The following TTC31 variants were observed in gnomAD, a reference collection of about 807,000 sequenced individuals.
TTC31 encodes the protein tetratricopeptide repeat domain 31.
A neutral mutation model predicts 60.4 loss-of-function variants in TTC31; 59 were observed. That is an observed-to-expected ratio of 0.98 (90% confidence interval 0.79 to 1.21). The LOEUF is 1.21. TTC31 is among the 50% of genes most tolerant of loss of function. The pLI is 0.00. For synonymous variants in TTC31, 225 were observed against 249.6 expected (o/e 0.90, Z 0.93); for missense variants, 672 against 646.9 (o/e 1.04, Z -0.42).
chr2:74,488,836 G>A (rs995638367), intron 2 of TTC31, among the ~76,000 whole-genome samples: 2 of 152,142 alleles, frequency 1.3e-5, no homozygotes, highest in Non-Finnish European at 2.9e-5. Context: ...AGGCTGAGGC[G>A]GGTGGATCAC....
rs763361228 is a variant in TTC31, at chr2:74,483,425, C to T, written c.129+15C>T. 2.5e-6 allele frequency: 4 copies of T among 1,614,140 alleles called. No homozygotes were observed. In the South Asian group the frequency reaches 3.3e-5, roughly 13 times the overall value. On this transcript the variant is annotated intron_variant, in intron 2 of 12. Coordinates refer to ENST00000233623, the MANE Select transcript of TTC31 (RefSeq NM_022492.6). ...ACGGCGAAGAGGTAAAAGCGACCCT[C>T]AGTTTCCCCCAGTCCTGCTCATTTT... is the stretch of plus-strand genomic sequence containing the variant.
chr2:74,493,405 A>T lies in TTC31; in HGVS notation c.*187A>T, dbSNP rs1674169690. ...GAGAAAGGAGCCCCACATCCACTGA[A>T]ACATCCTTTGGTTCTCAAGCTTCTT... On this transcript the variant is annotated 3_prime_UTR_variant, in exon 13 of 13. Coordinates refer to ENST00000233623, the MANE Select transcript of TTC31 (RefSeq NM_022492.6). 14 of 614,782 alleles carry T rather than the reference A, an allele frequency of 2.3e-5. No individual in the cohort carries two copies. In the South Asian group the frequency reaches 3.5e-4, roughly 15 times the overall value. 38.1% of individuals were successfully genotyped at this position (614,782 alleles called of 1,614,324 possible).
Position 74,490,369 on chromosome 2 carries a change from T to C in TTC31, c.358T>C (p.Ser120Pro). 1 of 1,613,842 alleles carries C rather than the reference T, an allele frequency of 6.2e-7. No homozygotes were observed. ...GTCCTTCCTGTATCCTCCCCAAGAG[T>C]CTGAGCCCTGCCCTCAAAGCCCCTC... ...RKSFLYPPQESEPCPQSPSAS... is the reference protein window; with the variant it reads ...RKSFLYPPQEPEPCPQSPSAS... Residue 120 changes from serine (S) to proline (P), a missense_variant, in exon 4 of 13, where the codon TCT becomes CCT. Ser to Pro is a moderately conservative substitution (Grantham distance 74). Transcript: ENST00000233623.
intron 8 of TTC31, 145 bp downstream of exon 8, chr2:74,491,817 T>A: frequency 7.3e-7 from 1 of 1,371,554 alleles, no homozygotes; most frequent in Non-Finnish European, 1.0e-6. Flanking sequence ...TCAGGCCCCA[T>A]CACTGTCACC....
At chr2:74,492,541 G>A (rs1222301009) in intron 11 of TTC31, 96 bp downstream of exon 11, 3 of 1,541,228 alleles carry the variant, frequency 1.9e-6, no homozygotes, top group South Asian at 2.5e-5. Context: ...TAGTACCAAA[G>A]TGTCACAATG....
chr2:74,490,801 A>G (rs1673772104), intron 5 of TTC31, 62 bp downstream of exon 5: 1 of 1,521,000 alleles, frequency 6.6e-7, no homozygotes, highest in African/African-American at 1.4e-5. Context: ...GGGAAAGAGG[A>G]AACTTTGTGG....
chr2:74,485,003 T>C (rs1672918978), intron 2 of TTC31, among the ~76,000 whole-genome samples: 1 of 151,822 alleles, frequency 6.6e-6, no homozygotes, highest in African/African-American at 2.4e-5. Context: ...CCTCAAACAT[T>C]TAGTTAGTCA....
rs1215286567 is a variant in TTC31, at chr2:74,491,690, C to G, written c.876+18C>G. 6.2e-7 allele frequency: 1 copy of G among 1,612,454 alleles called. No individual in the cohort carries two copies. The highest frequency in any genetic ancestry group is 1.7e-5 in the Admixed American group (1 of 59,594). On this transcript the variant is annotated intron_variant, in intron 8 of 12. Transcript: ENST00000233623. ...AGGTACAGGTGAGGTGGCTGAAGAA[C>G]CTTATTCAGCTGGAACCGTGGAAGG...
rs1314125819 is a variant in TTC31, at chr2:74,492,349, A to G, written c.1065A>G (p.Pro355=). 1 of 1,566,668 alleles carries G rather than the reference A, an allele frequency of 6.4e-7. No homozygotes were observed. The highest frequency in any genetic ancestry group is 8.7e-7 in the Non-Finnish European group (1 of 1,153,500). ...TCTGCCATGAGCGGTTGGGTCAGCC[A>G]GCGTGGGCCCTGGCTGATGCCCAGG... ...RSFCHERLGQ[P]AWALADAQVA... The change falls in exon 11 of 13, where the codon CCA becomes CCG. Residue 355 remains proline (P), a synonymous_variant. Coordinates refer to ENST00000233623, the MANE Select transcript of TTC31 (RefSeq NM_022492.6).
chr2:74,492,222 G>T lies in TTC31; in HGVS notation c.1012G>T (p.Asp338Tyr). Residue 338 changes from aspartate (D) to tyrosine (Y), a missense_variant, in exon 10 of 13, where the codon GAC becomes TAC. Coordinates refer to ENST00000233623, the MANE Select transcript of TTC31 (RefSeq NM_022492.6). The part of the protein sequence containing the change: ...FTQALKLNPQ[D>Y]HRLFGNRSFC... Reference sequence around the variant, plus strand: ...CCAGGCCTTGAAGCTCAACCCCCAGGACCACCGGTAGGTGGGGGCTTGGCC... The same window carrying T: ...CCAGGCCTTGAAGCTCAACCCCCAGTACCACCGGTAGGTGGGGGCTTGGCC... 1.2e-6 allele frequency: 2 copies of T among 1,614,246 alleles called. No homozygotes were observed. Among genetic ancestry groups the T allele is most frequent in the South Asian group, 2.2e-5 (2 of 91,082 alleles).
At chr2:74,490,915 T>G (rs1673789461) in intron 5 of TTC31, 176 bp downstream of exon 5, 6 of 885,220 alleles carry the variant, frequency 6.8e-6, no homozygotes, top group Non-Finnish European at 1.0e-5. Context: ...GGTGCAGTGG[T>G]TCTGGAATCC....
intron 2 of TTC31, among the ~76,000 whole-genome samples, chr2:74,487,901 A>T (rs1673324886): frequency 6.6e-6 from 1 of 152,042 alleles, no homozygotes; most frequent in African/African-American, 2.4e-5. Flanking sequence ...GCTGGTCTAA[A>T]ACTCTTGGCC....
chr2:74,490,778 G>A (rs775165776), intron 5 of TTC31, 39 bp downstream of exon 5: 3 of 1,582,350 alleles, frequency 1.9e-6, no homozygotes, highest in Non-Finnish European at 2.6e-6. Flanking sequence ...GGGAGCCAAA[G>A]GGATTTGGGA....
At chr2:74,483,196 C>A in intron 1 of TTC31, 61 bp downstream of exon 1, 1 of 1,613,492 alleles carries the variant, frequency 6.2e-7, no homozygotes, top group Non-Finnish European at 8.5e-7. Context: ...CTCTTGGGTC[C>A]ACCTGTGGTC....
intron 2 of TTC31, among the ~76,000 whole-genome samples, chr2:74,489,824 G>A (rs1242400005): frequency 1.3e-5 from 2 of 152,162 alleles, no homozygotes; most frequent in Admixed American, 6.5e-5. Flanking sequence ...GGAAAGCAGC[G>A]AGGGGAGGTG....
chr2:74,492,235 TG>T lies in TTC31; in HGVS notation c.1019+11del. ...CTCAACCCCCAGGACCACCGGTAGG[TG>T]GGGGCTTGGCCAGGGCAGGGCAGAG... On this transcript the variant is annotated splice_region_variant and intron_variant, in intron 10 of 12. Transcript: ENST00000233623. 1 of 1,614,198 alleles carries T rather than the reference TG, an allele frequency of 6.2e-7. No individual in the cohort carries two copies. The highest frequency in any genetic ancestry group is 1.3e-5 in the African/African-American group (1 of 75,066).
At chr2:74,491,241 A>G (rs1673841364) in intron 6 of TTC31, 54 bp from the exon 7 acceptor site, 1 of 1,614,118 alleles carries the variant, frequency 6.2e-7, no homozygotes, top group Non-Finnish European at 8.5e-7. Flanking sequence ...GAGGGCCAAG[A>G]AAGCAGGCAG....
In TTC31 at chr2:74,490,101, G is replaced by C; in HGVS notation, c.206G>C (p.Ser69Thr). The part of the protein sequence containing the change: ...GLHRIHVDGS[S>T]GRLQLWHHDY... ...CACCGGATCCATGTGGATGGGAGCA[G>C]CGGGCGGCTGCAGCTGTGGCACCAT... The change falls in exon 3 of 13, where the codon AGC becomes ACC. Residue 69 changes from serine (S) to threonine (T), a missense_variant. Coordinates refer to ENST00000233623, the MANE Select transcript of TTC31 (RefSeq NM_022492.6). 2 of 1,592,572 alleles carry C rather than the reference G, an allele frequency of 1.3e-6. No homozygotes were observed. The highest frequency in any genetic ancestry group is 1.7e-6 in the Non-Finnish European group (2 of 1,169,284).
In TTC31 at chr2:74,492,318, G is replaced by T. The variant is rs964837420; in HGVS notation, c.1034G>T (p.Arg345Leu). ...GTCTTTATCAGGTTATTTGGAAATC[G>T]TTCCTTCTGCCATGAGCGGTTGGGT... is the stretch of plus-strand genomic sequence containing the variant. ...NPQDHRLFGN[R>L]SFCHERLGQP... The change falls in exon 11 of 13, where the codon CGT becomes CTT. Residue 345 changes from arginine (R) to leucine (L), a missense_variant. Arg to Leu is a moderately radical substitution (Grantham distance 102). Coordinates refer to ENST00000233623, the MANE Select transcript of TTC31 (RefSeq NM_022492.6). 1 of 1,591,714 alleles carries T rather than the reference G, an allele frequency of 6.3e-7. No homozygotes were observed. Among genetic ancestry groups the T allele is most frequent in the African/African-American group, 1.3e-5 (1 of 74,332 alleles).
Sources: allele counts gnomAD v4.1 joint callset (sites outside exome capture counted in the v4.1 genomes callset), GRCh38; gene constraint gnomAD v4.1.1; transcripts MANE v1.5; gene names NCBI Gene and HGNC (gene_info 2026-07-23, HGNC 2026-07-21).